The following CTNS variants were observed in gnomAD, a reference collection of about 807,000 sequenced individuals.
CTNS encodes the protein cystinosin.
In CTNS, 27 loss-of-function variants were observed where a neutral mutation model predicts 43.7. The observed-to-expected ratio is 0.62, with a 90% CI of 0.46 to 0.85. The LOEUF (loss-of-function observed/expected upper bound fraction) is 0.85. Ranked by LOEUF, CTNS falls within the 40% of genes least tolerant of loss-of-function variation. The pLI is 0.00. For synonymous variants in CTNS, 187 were observed against 190.6 expected (o/e 0.98, Z 0.16); for missense variants, 457 against 475.4 (o/e 0.96, Z 0.36).
intron 11 of CTNS, 110 bp downstream of exon 11, chr17:3,660,085 A>G: frequency 6.9e-7 from 1 of 1,447,814 alleles, no homozygotes. Flanking sequence ...ATCCAAGCCA[A>G]TCCAGCCCCC....
chr17:3,657,561 G>A lies in CTNS; in HGVS notation c.682-444G>A, dbSNP rs2076181528. ...CACATTGGGCCCGTGTTCAGGGAAA[G>A]GCAAGGCGAGGGGACAGATTCCTGA... On this transcript the variant is annotated intron_variant, in intron 9 of 11. Transcript: ENST00000046640. 3 of 257,486 alleles carry A rather than the reference G, an allele frequency of 1.2e-5. No homozygotes were observed. The South Asian group carries it at 1.5e-4, about 13-fold the overall frequency. The allele number at this position is 257,486 out of a possible 1,614,324, so 16.0% of individuals were successfully genotyped here.
chr17:3,658,746 C>T (rs222752), intron 10 of CTNS, among the ~76,000 whole-genome samples: 1 of 152,028 alleles, frequency 6.6e-6, no homozygotes, highest in African/African-American at 2.4e-5. Flanking sequence ...CTGGGAGCCT[C>T]GTGTTCTGTG....
intron 3 of CTNS, among the ~76,000 whole-genome samples, chr17:3,643,956 T>C (rs1234353164): frequency 6.6e-6 from 1 of 152,152 alleles, no homozygotes; most frequent in Non-Finnish European, 1.5e-5. Context: ...GGAGGATGGC[T>C]TGAGCCTGGC....
At chr17:3,657,781 T>C (rs1482356372) in intron 9 of CTNS, 4 of 590,372 alleles carry the variant, frequency 6.8e-6, no homozygotes, top group East Asian at 2.8e-5. Context: ...GAAGGTGTGG[T>C]TGGTGCTGGG....
At chr17:3,659,039 G>A (rs1272308412) in intron 10 of CTNS, among the ~76,000 whole-genome samples, 2 of 152,146 alleles carry the variant, frequency 1.3e-5, no homozygotes, top group Non-Finnish European at 1.5e-5. Context: ...GAGGGATTGG[G>A]GCCAAGAAAC....
At chr17:3,639,595 G>A (rs991587920) in intron 2 of CTNS, among the ~76,000 whole-genome samples, 1 of 151,874 alleles carries the variant, frequency 6.6e-6, no homozygotes, top group African/African-American at 2.4e-5. Flanking sequence ...TTGAACCCAG[G>A]GGGTGGAGGT....
chr17:3,654,576 G>C (rs2076076554), intron 5 of CTNS, among the ~76,000 whole-genome samples: 2 of 151,878 alleles, frequency 1.3e-5, no homozygotes, highest in Admixed American at 1.3e-4. Flanking sequence ...CGGGACTCAG[G>C]AGCCTAAGGC....
Position 3,656,709 on chromosome 17 carries a change from A to G in CTNS, c.595A>G (p.Asn199Asp), listed in dbSNP as rs1410730961. ...TCTCCTCAAATACCCCAACGGAGTG[A>G]ACCCCGTGAACAGCAACGACGTCTT... ...QFLLKYPNGVNPVNSNDVFFS... is the reference protein window; with the variant it reads ...QFLLKYPNGVDPVNSNDVFFS... Residue 199 changes from asparagine (N) to aspartate (D), a missense_variant, in exon 9 of 12, where the codon AAC (asparagine) becomes GAC (aspartate). Physicochemically the swap from Asn to Asp is conservative, Grantham distance 23. Transcript: ENST00000046640. 5 of 1,612,560 alleles carry G rather than the reference A, an allele frequency of 3.1e-6. No individual in the cohort carries two copies. In the South Asian group the frequency reaches 5.5e-5, roughly 18 times the overall value.
rs1187624952 is a variant in CTNS, at chr17:3,650,082, T to G, written c.225+1151T>G. On this transcript the variant is annotated intron_variant, in intron 5 of 11. Transcript: ENST00000046640. ...ATGATGGATATTAATTAGCTTGATT[T>G]AGTCATTTCACAATGTATGCATACA... is the stretch of plus-strand genomic sequence containing the variant. The G allele has an allele frequency of 2.7e-6, 4 of 1,472,482 alleles. No individual in the cohort carries two copies. The African/African-American group carries it at 5.6e-5, about 21-fold the overall frequency. 91.2% of individuals were successfully genotyped at this position (1,472,482 alleles called of 1,614,324 possible).
intron 5 of CTNS, among the ~76,000 whole-genome samples, chr17:3,649,200 G>A (rs1567703019): frequency 6.6e-6 from 1 of 152,194 alleles, no homozygotes; most frequent in Non-Finnish European, 1.5e-5. Flanking sequence ...TGTAATCCCA[G>A]CACTCTGGGA....
chr17:3,650,954 C>T (rs1246171015), intron 5 of CTNS, among the ~76,000 whole-genome samples: 2 of 152,008 alleles, frequency 1.3e-5, no homozygotes, highest in African/African-American at 4.8e-5. Context: ...AGGCGCCCAC[C>T]ACCAGGCCCA....
intron 11 of CTNS, 61 bp from the exon 12 acceptor site, chr17:3,660,175 G>C: frequency 1.9e-6 from 3 of 1,611,278 alleles, no homozygotes; most frequent in Non-Finnish European, 2.5e-6. Context: ...CACCCCACAA[G>C]CTCCAGCTGC....
At chr17:3,649,000 G>C in intron 5 of CTNS, 69 bp downstream of exon 5, 1 of 1,288,688 alleles carries the variant, frequency 7.8e-7, no homozygotes, top group Non-Finnish European at 1.1e-6. Context: ...ATTAAGAGCT[G>C]GTGGAAACAG....
chr17:3,638,050 G>C (rs916995127), intron 2 of CTNS, among the ~76,000 whole-genome samples: 1 of 152,122 alleles, frequency 6.6e-6, no homozygotes, highest in African/African-American at 2.4e-5. Context: ...GTTGCTCCTG[G>C]GAAGGGACTG....
At chr17:3,643,419 G>A (rs946910194) in intron 3 of CTNS, among the ~76,000 whole-genome samples, 3 of 151,972 alleles carry the variant, frequency 2.0e-5, no homozygotes, top group African/African-American at 7.3e-5. Context: ...GTGGGAGAGA[G>A]GCCTATAAGA....
At position 3,660,594 on chromosome 17, in the gene CTNS, C is replaced by T; in HGVS notation, c.*225C>T. 6.2e-7 allele frequency: 1 copy of T among 1,613,340 alleles called. No individual in the cohort carries two copies. Among genetic ancestry groups the T allele is most frequent in the Non-Finnish European group, 8.5e-7 (1 of 1,180,022 alleles). On this transcript the variant is annotated 3_prime_UTR_variant, in exon 12 of 12. Transcript: ENST00000046640. ...CAGGCACGTGGCACCGTCGCCTTGA[C>T]ACCGCCATCTCTTTTCTTTAAGGCT... is the stretch of plus-strand genomic sequence containing the variant.
chr17:3,640,655 T>TG (rs1186739264), intron 3 of CTNS, among the ~76,000 whole-genome samples: 5 of 152,236 alleles, frequency 3.3e-5, no homozygotes. Flanking sequence ...TCCAGAGCTT[T>TG]GGGAGGCCAA....
chr17:3,647,498 C>T lies in CTNS; in HGVS notation c.116C>T (p.Ser39Leu), dbSNP rs144751390. 4,298 of 1,614,128 alleles carry T rather than the reference C, an allele frequency of 2.7e-3. 15 individuals carry two copies. Among genetic ancestry groups the T allele is most frequent in the Admixed American group, 3.9e-3 (232 of 60,032 alleles). ...PPVVKLENGS[S>L]TNVSLTLRPP... ...GTCGTAAAGCTGGAGAACGGCAGCT[C>T]GACCAACGTCAGCCTCACCCTGCGG... The change falls in exon 4 of 12, where the codon TCG becomes TTG. Residue 39 changes from serine (S) to leucine (L), a missense_variant. Transcript: ENST00000046640.
intron 5 of CTNS, among the ~76,000 whole-genome samples, chr17:3,654,606 G>A (rs1275083462): frequency 1.3e-5 from 2 of 151,828 alleles, no homozygotes; most frequent in South Asian, 2.1e-4. Context: ...GCTTGAACTC[G>A]GGAGGCAGAG....
Sources: allele counts gnomAD v4.1 joint callset (sites outside exome capture counted in the v4.1 genomes callset), GRCh38; gene constraint gnomAD v4.1.1; transcripts MANE v1.5; gene names NCBI Gene and HGNC (gene_info 2026-07-23, HGNC 2026-07-21).